The following TAFA5 variants were observed in gnomAD, a reference collection of about 807,000 sequenced individuals.
The protein encoded by TAFA5 is chemokine-like protein TAFA-5.
A neutral mutation model predicts 15.3 loss-of-function variants in TAFA5; 6 were observed. That is an observed-to-expected ratio of 0.39 (90% CI 0.21 to 0.77). TAFA5 has a LOEUF of 0.77. Ranked by LOEUF, TAFA5 falls within the 30% of genes least tolerant of loss-of-function variation. The pLI, the probability that TAFA5 is intolerant of heterozygous loss-of-function variation, is 0.41. For synonymous variants in TAFA5, 103 were observed against 80.7 expected (o/e 1.28, Z -1.48); for missense variants, 161 against 193.1 (o/e 0.83, Z 0.98).
chr22:48,624,759 G>A (rs1433422238), intron 1 of TAFA5, among the ~76,000 whole-genome samples: 3 of 152,122 alleles, frequency 2.0e-5, no homozygotes, highest in African/African-American at 7.2e-5. Flanking sequence ...AGAAACAGCC[G>A]TTACCCCAGG....
At position 48,714,052 on chromosome 22, in the gene TAFA5, C is replaced by T. The variant is rs139154261; in HGVS notation, c.390+6208C>T. ...GCCAGGCAGCTGGGGCACAAGAGTG[C>T]GTTCCCGTGCCAGGCCCTCGCCCAG... is the stretch of plus-strand genomic sequence containing the variant. On this transcript the variant is annotated intron_variant, in intron 3 of 3. Transcript: ENST00000402357. Among the ~76,000 whole-genome samples the T allele has an allele frequency of 3.1e-3, 475 of 152,332 alleles. 3 individuals are homozygous for T. Among genetic ancestry groups the T allele is most frequent in the South Asian group, 0.019 (93 of 4,822 alleles).
chr22:48,583,132 C>T (rs1486558830), intron 1 of TAFA5, among the ~76,000 whole-genome samples: 3 of 145,688 alleles, frequency 2.1e-5, no homozygotes, highest in African/African-American at 2.5e-5. Context: ...TCACACGCCA[C>T]ACACACACCA....
At chr22:48,669,626 C>T (rs958786922) in intron 2 of TAFA5, among the ~76,000 whole-genome samples, 5 of 152,202 alleles carry the variant, frequency 3.3e-5, no homozygotes, top group African/African-American at 1.2e-4. Flanking sequence ...CTCCATCTGT[C>T]CCAGGTGTGA....
At chr22:48,517,497 G>C (rs1303553795) in intron 1 of TAFA5, among the ~76,000 whole-genome samples, 1 of 152,194 alleles carries the variant, frequency 6.6e-6, no homozygotes, top group Non-Finnish European at 1.5e-5. Context: ...TGTGAGCCCA[G>C]GCTCCTGTAG....
intron 1 of TAFA5, among the ~76,000 whole-genome samples, chr22:48,601,289 T>C (rs1448333603): frequency 6.6e-6 from 1 of 152,202 alleles, no homozygotes; most frequent in Non-Finnish European, 1.5e-5. Flanking sequence ...CATACCCTTG[T>C]ATATGACGTG....
chr22:48,637,856 TTTCTCCTTCCGGTTTATGAATAGGTC>T (rs1178882881), intron 1 of TAFA5, among the ~76,000 whole-genome samples: 4 of 151,808 alleles, frequency 2.6e-5, no homozygotes, highest in African/African-American at 9.7e-5. Flanking sequence ...CCTTGAGGCC[TTTCTCCTTCCGGTTTATGAATAGGTC>T]TTCTCCTGTG....
rs1023656329 is a variant in TAFA5, at chr22:48,750,209, C to T, written c.*362C>T. On this transcript the variant is annotated 3_prime_UTR_variant, in exon 4 of 4. Coordinates refer to ENST00000402357, the MANE Select transcript of TAFA5 (RefSeq NM_001082967.3). ...AGCCACAGAAGGCTGCAGCCCAGCCCGCCTGAGACACGACGCCTGCCCCAG... is the reference window on the plus strand; with the variant it reads ...AGCCACAGAAGGCTGCAGCCCAGCCTGCCTGAGACACGACGCCTGCCCCAG... 26 of 361,830 alleles carry T rather than the reference C, an allele frequency of 7.2e-5. No individual in the cohort carries two copies. The highest frequency in any genetic ancestry group is 4.0e-4 in the African/African-American group (19 of 47,428). The allele number at this position is 361,830 out of a possible 1,614,324, so 22.4% of individuals were successfully genotyped here.
At position 48,655,190 on chromosome 22, in the gene TAFA5, CT is replaced by C. The variant is rs1183339078; in HGVS notation, c.262+8445del. Among the ~76,000 whole-genome samples, 3 of 152,292 alleles carry C rather than the reference CT, an allele frequency of 2.0e-5. No individual in the cohort carries two copies. The East Asian group carries it at 5.8e-4, about 30-fold the overall frequency. On this transcript the variant is annotated intron_variant, in intron 2 of 3. Coordinates refer to ENST00000402357, the MANE Select transcript of TAFA5 (RefSeq NM_001082967.3). ...CCACATCCAGCCCTGCCCAGACCCCCTGGCTGCTCCTGGAGCAAACCGTGTC... is the reference window on the plus strand; with the variant it reads ...CCACATCCAGCCCTGCCCAGACCCCCGGCTGCTCCTGGAGCAAACCGTGTC...
At chr22:48,508,258 C>A (rs1921079518) in intron 1 of TAFA5, among the ~76,000 whole-genome samples, 1 of 152,190 alleles carries the variant, frequency 6.6e-6, no homozygotes, top group South Asian at 2.1e-4. Flanking sequence ...AGGAGACAGG[C>A]TGGGAGAGGT....
At chr22:48,605,219 G>T (rs867379350) in intron 1 of TAFA5, among the ~76,000 whole-genome samples, 2 of 132,970 alleles carry the variant, frequency 1.5e-5, no homozygotes, top group African/African-American at 2.7e-5. Flanking sequence ...GGTGATGGTG[G>T]TGATGGTGAT....
chr22:48,631,018 C>T (rs1443867739), intron 1 of TAFA5, among the ~76,000 whole-genome samples: 1 of 152,174 alleles, frequency 6.6e-6, no homozygotes. Flanking sequence ...CTCTGGAATG[C>T]AGCGTGGAGT....
In TAFA5 at chr22:48,507,462, G is replaced by T. The variant is rs75208219; in HGVS notation, c.112+17758G>T. Among the ~76,000 whole-genome samples, 454 of 152,316 alleles carry T rather than the reference G, an allele frequency of 3.0e-3. 2 individuals carry two copies. The highest frequency in any genetic ancestry group is 0.01 in the African/African-American group (435 of 41,574). On this transcript the variant is annotated intron_variant, in intron 1 of 3. Coordinates refer to ENST00000402357, the MANE Select transcript of TAFA5 (RefSeq NM_001082967.3). Reference sequence around the variant, plus strand: ...AGAAGTCCTTGGAAAATCGCCAGACGTGGTGGCGTCTGCCTGGGACTTGAT... The same window carrying T: ...AGAAGTCCTTGGAAAATCGCCAGACTTGGTGGCGTCTGCCTGGGACTTGAT...
At chr22:48,654,618 G>T (rs1221024513) in intron 2 of TAFA5, among the ~76,000 whole-genome samples, 2 of 152,240 alleles carry the variant, frequency 1.3e-5, no homozygotes, top group African/African-American at 4.8e-5. Context: ...CAGGCCTCCC[G>T]GCACTGACTT....
intron 3 of TAFA5, among the ~76,000 whole-genome samples, chr22:48,729,291 A>ATTTTATATTTATAAATATATAATAT (rs1929795616): frequency 5.6e-5 from 2 of 35,680 alleles, no homozygotes; most frequent in Non-Finnish European, 1.6e-4. Context: ...ATATATAATA[A>ATTTTATATTTATAAATATATAATAT]TTTTATATTT....
chr22:48,720,158 C>A (rs534983203), intron 3 of TAFA5, among the ~76,000 whole-genome samples: 1 of 152,072 alleles, frequency 6.6e-6, no homozygotes, highest in Non-Finnish European at 1.5e-5. Context: ...GTGGGTGTGG[C>A]GGGGCTGGGG....
intron 1 of TAFA5, among the ~76,000 whole-genome samples, chr22:48,599,755 A>G (rs1924895369): frequency 6.6e-6 from 1 of 152,230 alleles, no homozygotes; most frequent in Non-Finnish European, 1.5e-5. Context: ...GCTCATCCCC[A>G]GCACTGCCGA....
At chr22:48,717,895 G>C (rs1601695257) in intron 3 of TAFA5, among the ~76,000 whole-genome samples, 1 of 152,246 alleles carries the variant, frequency 6.6e-6, no homozygotes, top group Admixed American at 6.5e-5. Flanking sequence ...GAGGGACCAG[G>C]TTGTCACCAG....
chr22:48,663,784 C>T (rs1387410616), intron 2 of TAFA5, among the ~76,000 whole-genome samples: 1 of 152,196 alleles, frequency 6.6e-6, no homozygotes, highest in Non-Finnish European at 1.5e-5. Flanking sequence ...CTATTAGTCA[C>T]TAAGTAGCCG....
Position 48,607,380 on chromosome 22 carries a change from A to G in TAFA5, c.113-39217A>G, listed in dbSNP as rs575429741. 2.2e-3 allele frequency among the ~76,000 whole-genome samples: 286 copies of G among 132,926 alleles called. 24 individuals are homozygous for G. Among genetic ancestry groups the G allele is most frequent in the African/African-American group, 7.7e-3 (255 of 33,176 alleles). The allele number at this position is 132,926 out of a possible 152,430, so 87.2% of individuals were successfully genotyped here. A position where few individuals can be genotyped will look rare whatever the true frequency, so the allele number is the denominator to read the frequency against. On this transcript the variant is annotated intron_variant, in intron 1 of 3. Coordinates refer to ENST00000402357, the MANE Select transcript of TAFA5 (RefSeq NM_001082967.3). ...CCTGGGTTCTGATTAGGGATGGCCC[A>G]CCCATCCCAGGTACCTCAGCCTGGA...
Sources: allele counts gnomAD v4.1 joint callset (sites outside exome capture counted in the v4.1 genomes callset), GRCh38; gene constraint gnomAD v4.1.1; transcripts MANE v1.5; gene names NCBI Gene and HGNC (gene_info 2026-07-23, HGNC 2026-07-21).